The following KAZN variants were observed in gnomAD, a reference collection of about 807,000 sequenced individuals.
KAZN encodes the protein kazrin.
In KAZN, 40 loss-of-function variants were observed where a neutral mutation model predicts 87.4. The observed-to-expected ratio is 0.46, with a 90% CI of 0.36 to 0.60. The LOEUF is 0.60. Ranked by LOEUF, KAZN falls within the 20% of genes least tolerant of loss-of-function variation. KAZN has a pLI of 0.00. For synonymous variants in KAZN, 466 were observed against 458.3 expected, an observed-to-expected ratio of 1.02 and a Z score of -0.22; for missense variants, 898 against 1,073.9, an observed-to-expected ratio of 0.84 and a Z score of 2.29.
intron 2 of KAZN, among the ~76,000 whole-genome samples, chr1:14,383,449 G>A (rs1009126226): frequency 1.3e-5 from 2 of 151,924 alleles, no homozygotes; most frequent in African/African-American, 4.8e-5. Context: ...ATGGTTTTAG[G>A]TCTAACATTT....
chr1:14,429,612 A>G (rs1190824703), intron 2 of KAZN, among the ~76,000 whole-genome samples: 1 of 152,208 alleles, frequency 6.6e-6, no homozygotes, highest in African/African-American at 2.4e-5. Context: ...TCCAAAATCA[A>G]TAAACATAAT....
Position 14,267,241 on chromosome 1 carries a change from G to GT in KAZN, c.249+86650dup, listed in dbSNP as rs934015387. 2.2e-4 allele frequency among the ~76,000 whole-genome samples: 33 copies of GT among 151,482 alleles called. 1 individual carries two copies. The highest frequency in any genetic ancestry group is 4.4e-5 in the Non-Finnish European group (3 of 67,960). On this transcript the variant is annotated intron_variant, in intron 2 of 16. Transcript: ENST00000636203. ...TAGAATTTACATTGTATTAGGTATT[G>GT]TAAGTAATCTAGAGTTGATTTAAAG...
chr1:14,746,059 G>A (rs562879986), intron 1 of KAZN, among the ~76,000 whole-genome samples: 7 of 152,252 alleles, frequency 4.6e-5, no homozygotes, highest in African/African-American at 1.7e-4. Context: ...GATTTATCAT[G>A]AACTTTAACT....
chr1:14,629,068 A>G (rs1433494282), intron 1 of KAZN, among the ~76,000 whole-genome samples: 3 of 151,972 alleles, frequency 2.0e-5, no homozygotes, highest in Non-Finnish European at 4.4e-5. Flanking sequence ...GCTGGTCTTG[A>G]ACTCCTGACC....
chr1:14,332,878 G>T (rs928462501), intron 2 of KAZN, among the ~76,000 whole-genome samples: 11 of 152,064 alleles, frequency 7.2e-5, no homozygotes, highest in African/African-American at 2.4e-4. Flanking sequence ...TTCTTTTTTT[G>T]TTGTTTTTTC....
intron 11 of KAZN, 85 bp from the exon 12 acceptor site, chr1:15,103,274 A>G: frequency 2.0e-6 from 2 of 976,364 alleles, no homozygotes; most frequent in Non-Finnish European, 3.1e-6. Flanking sequence ...CTCGGGGGGA[A>G]AAAGAGATGC....
At chr1:14,758,077 CTTTGTTTG>C (rs201431027) in intron 1 of KAZN, among the ~76,000 whole-genome samples, 11 of 151,718 alleles carry the variant, frequency 7.3e-5, no homozygotes, top group African/African-American at 1.5e-4. Context: ...TGCCTCTTGA[CTTTGTTTG>C]TTTGTTTGTT....
At chr1:14,203,220 A>AT (rs1480341735) in intron 2 of KAZN, among the ~76,000 whole-genome samples, 2 of 152,132 alleles carry the variant, frequency 1.3e-5, no homozygotes, top group Admixed American at 1.3e-4. Flanking sequence ...CATCAAATAG[A>AT]TTTTGGAAGA....
chr1:14,237,058 T>C (rs1648493552), intron 2 of KAZN, among the ~76,000 whole-genome samples: 1 of 152,182 alleles, frequency 6.6e-6, no homozygotes, highest in Non-Finnish European at 1.5e-5. Flanking sequence ...CAAAAGATGA[T>C]CAGAAAATGC....
intron 2 of KAZN, among the ~76,000 whole-genome samples, chr1:14,478,332 A>G (rs1668886652): frequency 6.6e-6 from 1 of 151,842 alleles, no homozygotes. Context: ...GAAGGAAGGA[A>G]GGAAGAAAGG....
chr1:14,469,746 G>A (rs1668350652), intron 2 of KAZN, among the ~76,000 whole-genome samples: 1 of 152,208 alleles, frequency 6.6e-6, no homozygotes, highest in Non-Finnish European at 1.5e-5. Flanking sequence ...AGGCCACGAT[G>A]TCAGATTCTT....
intron 2 of KAZN, among the ~76,000 whole-genome samples, chr1:14,462,631 T>C (rs1436857125): frequency 6.6e-6 from 1 of 152,174 alleles, no homozygotes; most frequent in African/African-American, 2.4e-5. Context: ...AGAGGTTTAA[T>C]GGACTCCCAA....
At chr1:15,033,154 C>T (rs1158415071) in intron 2 of KAZN, among the ~76,000 whole-genome samples, 1 of 152,094 alleles carries the variant, frequency 6.6e-6, no homozygotes, top group African/African-American at 2.4e-5. Context: ...TGTGCAAATA[C>T]TATGCCATTT....
At chr1:13,898,851 TA>T (rs1281981221) in intron 1 of KAZN, among the ~76,000 whole-genome samples, 5 of 152,194 alleles carry the variant, frequency 3.3e-5, no homozygotes, top group Admixed American at 2.6e-4. Flanking sequence ...TTAAACAATA[TA>T]GGGGTCCTTC....
At position 14,025,175 on chromosome 1, in the gene KAZN, G is replaced by T. The variant is rs114620422; in HGVS notation, c.91+131419G>T. ...TTTGCATCTGAATTTGGAGGCTGGG[G>T]TGGCCAAGAATATGAATATCATGCA... On this transcript the variant is annotated intron_variant, in intron 1 of 16. Transcript: ENST00000636203. Among the ~76,000 whole-genome samples the T allele has an allele frequency of 7.5e-3, 1,141 of 152,298 alleles. 15 individuals are homozygous for T. The highest frequency in any genetic ancestry group is 0.026 in the African/African-American group (1,071 of 41,550).
intron 1 of KAZN, among the ~76,000 whole-genome samples, chr1:14,641,235 G>T (rs1388267013): frequency 6.6e-6 from 1 of 152,126 alleles, no homozygotes; most frequent in Non-Finnish European, 1.5e-5. Flanking sequence ...ATATTTTGAT[G>T]TTATCAAAAT....
intron 1 of KAZN, among the ~76,000 whole-genome samples, chr1:14,714,291 C>T (rs777477847): frequency 1.1e-4 from 17 of 152,126 alleles, no homozygotes; most frequent in Non-Finnish European, 2.4e-4. Context: ...ATACCCTCTT[C>T]GGAGCAGGTG....
chr1:14,638,134 C>T (rs1292302794), intron 1 of KAZN, among the ~76,000 whole-genome samples: 1 of 152,238 alleles, frequency 6.6e-6, no homozygotes, highest in East Asian at 1.9e-4. Flanking sequence ...AGGGCCCACC[C>T]TCATCCAGGA....
chr1:14,798,097 T>C (rs879575953), intron 1 of KAZN, among the ~76,000 whole-genome samples: 8 of 152,084 alleles, frequency 5.3e-5, no homozygotes, highest in Non-Finnish European at 1.2e-4. Flanking sequence ...CAGAGGCAAG[T>C]TTCAAACTCA....
Sources: allele counts gnomAD v4.1 joint callset (sites outside exome capture counted in the v4.1 genomes callset), GRCh38; gene constraint gnomAD v4.1.1; transcripts MANE v1.5; gene names NCBI Gene and HGNC (gene_info 2026-07-23, HGNC 2026-07-21).